Variants in MYO18B observed in about 807,000 individuals in gnomAD.
MYO18B encodes unconventional myosin-XVIIIb.
MYO18B carries 204 observed loss-of-function variants against 273.0 expected under a neutral mutation model. That is an observed-to-expected ratio of 0.75 (90% CI 0.67 to 0.84). The LOEUF is 0.84. Among genes scored for constraint, MYO18B ranks in the 40% least tolerant of loss-of-function variants. MYO18B has a pLI of 0.00. For missense variants in MYO18B, 3,212 were observed against 3,287.6 expected, an observed-to-expected ratio of 0.98 and a Z score of 0.56; for synonymous variants, 1,330 against 1,305.7, an observed-to-expected ratio of 1.02 and a Z score of -0.40.
chr22:25,885,634 G>A (rs1445090448), intron 25 of MYO18B, among the ~76,000 whole-genome samples: 1 of 152,166 alleles, frequency 6.6e-6, no homozygotes, highest in Non-Finnish European at 1.5e-5. Flanking sequence ...GGATCGCAGG[G>A]GGTCAGGAGA....
intron 36 of MYO18B, among the ~76,000 whole-genome samples, chr22:25,948,486 CT>C (rs2092750506): frequency 1.4e-5 from 1 of 73,200 alleles, no homozygotes; most frequent in African/African-American, 4.9e-5. Flanking sequence ...TTCTTTCTTT[CT>C]CTTTCTTTCT....
At chr22:25,797,038 G>A (rs2145753368) in intron 11 of MYO18B, among the ~76,000 whole-genome samples, 1 of 152,310 alleles carries the variant, frequency 6.6e-6, no homozygotes, top group East Asian at 1.9e-4. Flanking sequence ...GACCAGCCTG[G>A]CCAACGTGGT....
intron 38 of MYO18B, among the ~76,000 whole-genome samples, chr22:25,953,818 C>G (rs2092818879): frequency 6.6e-6 from 1 of 152,182 alleles, no homozygotes; most frequent in African/African-American, 2.4e-5. Flanking sequence ...ATTTTGCCCT[C>G]TGCCACTATG....
chr22:25,952,388 AC>A lies in MYO18B; in HGVS notation c.5936del (p.Thr1979LysfsTer15). 6.2e-7 allele frequency: 1 copy of A among 1,613,124 alleles called. No homozygotes were observed. Among genetic ancestry groups the A allele is most frequent in the Non-Finnish European group, 8.5e-7 (1 of 1,179,628 alleles). ...GGTCATCTGTGACCTAGAGAACAAG[AC>A]AGAGTTCCAGAAGGTGCAGATTAAG... is the stretch of plus-strand genomic sequence containing the variant. ...EAVICDLENK[T>X]EFQKVQIKRF... is the part of the protein sequence containing the mutation. On this transcript the variant is annotated frameshift_variant, in exon 38 of 44. Coordinates refer to ENST00000335473, the MANE Select transcript of MYO18B (RefSeq NM_032608.7). LOFTEE classifies it high-confidence loss of function.
chr22:25,851,624 T>A, intron 21 of MYO18B, 45 bp downstream of exon 21: 1 of 1,356,446 alleles, frequency 7.4e-7, no homozygotes, highest in East Asian at 2.5e-5. Flanking sequence ...TAGATATGGA[T>A]ATGTTGGTTA....
chr22:25,770,345 C>T (rs2086672611), intron 5 of MYO18B, among the ~76,000 whole-genome samples, 169 bp downstream of exon 5: 1 of 152,164 alleles, frequency 6.6e-6, no homozygotes, highest in Non-Finnish European at 1.5e-5. Context: ...AGTTATTTAC[C>T]TACTGTAACT....
intron 12 of MYO18B, among the ~76,000 whole-genome samples, chr22:25,806,992 G>A (rs1367010389): frequency 2.3e-4 from 35 of 152,190 alleles, no homozygotes; most frequent in Admixed American, 2.0e-3. Context: ...TGGCACATAC[G>A]AGGTATTCAG....
At chr22:25,755,712 G>A (rs2086094714) in intron 1 of MYO18B, among the ~76,000 whole-genome samples, 1 of 152,090 alleles carries the variant, frequency 6.6e-6, no homozygotes, top group Non-Finnish European at 1.5e-5. Context: ...CGGGACAGCT[G>A]CTTGTTCAAA....
chr22:25,881,970 G>T (rs5761296), intron 25 of MYO18B, among the ~76,000 whole-genome samples: 5,952 of 152,202 alleles, frequency 0.039, 186 homozygotes, highest in East Asian at 0.14. Context: ...TGTTCACTCT[G>T]CCTGAAACAC....
rs566023022 is a variant in MYO18B at position 25,909,038 on chromosome 22, A to G, written c.5259+606A>G. Among the ~76,000 whole-genome samples, 17 of 152,298 alleles carry G rather than the reference A, an allele frequency of 1.1e-4. 1 individual carries two copies. The South Asian group carries it at 2.9e-3, about 26-fold the overall frequency. On this transcript the variant is annotated intron_variant, in intron 32 of 43. Transcript: ENST00000335473. Reference sequence around the variant, plus strand: ...GTCTGTAAATACAGATCTAACTTATATGTTTAATGGCTTAACAGTTTTTCA... The same window carrying G: ...GTCTGTAAATACAGATCTAACTTATGTGTTTAATGGCTTAACAGTTTTTCA...
chr22:25,946,161 G>T lies in MYO18B; in HGVS notation c.5542G>T (p.Glu1848Ter). The T allele has an allele frequency of 6.4e-7, 1 of 1,567,490 alleles. No individual in the cohort carries two copies. Residue 1848 changes from glutamate (E) to a stop codon, truncating the protein, a stop_gained, in exon 35 of 44, where the codon GAG becomes TAG. Transcript: ENST00000335473. LOFTEE classifies it high-confidence loss of function. ...SQLEQSEAKC[E>*]EALKTQKVLT... ...GCTGGAGCAGAGTGAAGCCAAGTGT[G>T]AGGAGGCCTTGAAGACGCAGAAGGT...
intron 12 of MYO18B, among the ~76,000 whole-genome samples, chr22:25,820,295 A>G (rs2089227559): frequency 6.6e-6 from 1 of 151,918 alleles, no homozygotes; most frequent in African/African-American, 2.4e-5. Context: ...TCTATTTGTA[A>G]TGCCCTTAGT....
intron 39 of MYO18B, among the ~76,000 whole-genome samples, chr22:25,959,521 C>CA (rs1391322377): frequency 6.6e-6 from 1 of 152,142 alleles, no homozygotes; most frequent in Non-Finnish European, 1.5e-5. Context: ...AGCCATCCTC[C>CA]AGCCCCAGCC....
chr22:25,861,427 A>C (rs1380606455), intron 21 of MYO18B, among the ~76,000 whole-genome samples: 1 of 152,140 alleles, frequency 6.6e-6, no homozygotes, highest in African/African-American at 2.4e-5. Flanking sequence ...TTTCAATTTT[A>C]AACAAAATTT....
chr22:25,997,048 C>T lies in MYO18B; in HGVS notation c.6287+4555C>T, dbSNP rs541613426. Among the ~76,000 whole-genome samples, 13 of 152,114 alleles carry T rather than the reference C, an allele frequency of 8.5e-5. 1 individual carries two copies. The South Asian group carries it at 1.2e-3, about 15-fold the overall frequency. ...AAGTGAAAGTGTGAGGCTTGCTGGG[C>T]GCGGTGGCTCATGTCTGTAATCCCA... On this transcript the variant is annotated intron_variant, in intron 40 of 43. Coordinates refer to ENST00000335473, the MANE Select transcript of MYO18B (RefSeq NM_032608.7).
chr22:26,049,195 C>A, the MYO18B span, among the ~76,000 whole-genome samples: 1 of 152,220 alleles, frequency 6.6e-6, no homozygotes, highest in African/African-American at 2.4e-5. Context: ...TCCGAAGTGG[C>A]AACCAGCCCC....
At chr22:25,926,637 C>T (rs531995491) in intron 34 of MYO18B, among the ~76,000 whole-genome samples, 53 of 152,206 alleles carry the variant, frequency 3.5e-4, no homozygotes, top group Non-Finnish European at 6.8e-4. Flanking sequence ...GGAATGTGTT[C>T]GAATGCACAT....
chr22:26,020,193 G>GC (rs1308240947), intron 42 of MYO18B, among the ~76,000 whole-genome samples: 1 of 152,110 alleles, frequency 6.6e-6, no homozygotes, highest in African/African-American at 2.4e-5. Context: ...ATGCTTCTTA[G>GC]CTTGATGAGA....
the MYO18B span, among the ~76,000 whole-genome samples, chr22:26,061,992 A>G: frequency 2.6e-5 from 4 of 152,346 alleles, no homozygotes; most frequent in Non-Finnish European, 5.9e-5. Context: ...TTAAAATAAG[A>G]GGCAATTGAG....
Sources: gnomAD v4.1 joint callset for allele counts (sites outside exome capture counted in the v4.1 genomes callset) on GRCh38, gnomAD v4.1.1 for gene constraint, MANE v1.5 for transcripts, NCBI Gene and HGNC (gene_info 2026-07-23, HGNC 2026-07-21) for gene names.